The following DGLUCY variants were observed in gnomAD, a reference collection of about 807,000 sequenced individuals.
The protein encoded by DGLUCY is D-glutamate cyclase, mitochondrial.
Under a neutral mutation model 58.5 loss-of-function variants are expected in DGLUCY, and 58 were observed. The ratio of observed to expected loss-of-function variants is 0.99; its 90% CI spans 0.80 to 1.23. The LOEUF is 1.23. Ranked by LOEUF, DGLUCY falls within the 50% of genes most tolerant of loss-of-function variation. The probability of loss-of-function intolerance (pLI) is 0.00; values close to 1 mark genes in which losing one functional copy is unlikely to be tolerated. For missense variants in DGLUCY, 779 were observed against 784.7 expected (o/e 0.99, Z 0.09); for synonymous variants, 325 against 314.1 (o/e 1.03, Z -0.37).
In DGLUCY at chr14:91,218,366, T is replaced by C. The variant is rs142782759; in HGVS notation, c.1716+2810T>C. ...TCTACCTAGTCCTTCATAAATCAAT[T>C]AATAATGTACCACCCTTATAAAGAA... On this transcript the variant is annotated intron_variant, in intron 13 of 13. Coordinates refer to ENST00000256324, the MANE Select transcript of DGLUCY (RefSeq NM_001102368.3). 1.3e-4 allele frequency among the ~76,000 whole-genome samples: 19 copies of C among 151,766 alleles called. No homozygotes were observed. The East Asian group carries it at 3.5e-3, about 28-fold the overall frequency.
At chr14:91,132,484 T>C (rs1470985914) in intron 1 of DGLUCY, among the ~76,000 whole-genome samples, 1 of 151,394 alleles carries the variant, frequency 6.6e-6, no homozygotes, top group Non-Finnish European at 1.5e-5. Flanking sequence ...TTTTCTTTTT[T>C]TTTTTTTTTC....
At position 91,215,416 on chromosome 14, in the gene DGLUCY, T is replaced by G. The variant is rs748940859; in HGVS notation, c.1576T>G (p.Trp526Gly). 12 of 1,604,722 alleles carry G rather than the reference T, an allele frequency of 7.5e-6. No homozygotes were observed. In the South Asian group the frequency reaches 1.3e-4, roughly 18 times the overall value. The change falls in exon 13 of 14, where the codon TGG becomes GGG. Residue 526 changes from tryptophan to glycine, a missense_variant. Trp to Gly is a radical substitution (Grantham distance 184). Transcript: ENST00000256324. Reference protein sequence around the residue: ...DFAVIAGVSNWGGYALACALY... With the variant: ...DFAVIAGVSNGGGYALACALY... ...TTTTGCTGTTCTAGGTGTTTCTAAC[T>G]GGGGAGGCTATGCCCTGGCCTGCGC...
At chr14:91,222,491 G>A (rs1183711421) in intron 13 of DGLUCY, among the ~76,000 whole-genome samples, 3 of 152,326 alleles carry the variant, frequency 2.0e-5, no homozygotes, top group African/African-American at 7.2e-5. Flanking sequence ...GCCATTCTGA[G>A]TGGGTAGCTC....
chr14:91,206,188 A>G (rs1359567058), intron 12 of DGLUCY, among the ~76,000 whole-genome samples: 3 of 151,858 alleles, frequency 2.0e-5, no homozygotes, highest in Non-Finnish European at 4.4e-5. Context: ...TGGGAGAGGG[A>G]CATACCCAAT....
intron 13 of DGLUCY, among the ~76,000 whole-genome samples, chr14:91,221,781 G>A (rs1261918302): frequency 6.6e-6 from 1 of 152,068 alleles, no homozygotes; most frequent in East Asian, 1.9e-4. Flanking sequence ...ATACAATAAA[G>A]TGTGTACACC....
chr14:91,198,627 A>G (rs994593176), intron 10 of DGLUCY, among the ~76,000 whole-genome samples: 25 of 152,182 alleles, frequency 1.6e-4, no homozygotes, highest in African/African-American at 5.8e-4. Context: ...GATTACCGGT[A>G]TGAGCCACTG....
At chr14:91,067,770 G>A (rs2043847656) in intron 1 of DGLUCY, among the ~76,000 whole-genome samples, 2 of 151,850 alleles carry the variant, frequency 1.3e-5, no homozygotes, top group South Asian at 2.1e-4. Flanking sequence ...GGCTGGTCTC[G>A]AACTCCTGGG....
chr14:91,217,247 T>G (rs1346880603), intron 13 of DGLUCY, among the ~76,000 whole-genome samples: 1 of 152,166 alleles, frequency 6.6e-6, no homozygotes, highest in Admixed American at 6.5e-5. Flanking sequence ...TGACTTCACC[T>G]GTGAGCAGAC....
intron 1 of DGLUCY, among the ~76,000 whole-genome samples, chr14:91,098,577 A>G (rs2140078670): frequency 6.6e-6 from 1 of 152,384 alleles, no homozygotes; most frequent in South Asian, 2.1e-4. Flanking sequence ...GTATTTAACA[A>G]CTGGCTCACA....
At position 91,181,225 on chromosome 14, in the gene DGLUCY, T is replaced by A; in HGVS notation, c.770T>A (p.Val257Asp). The A allele has an allele frequency of 6.2e-7, 1 of 1,614,180 alleles. No individual in the cohort carries two copies. The highest frequency in any genetic ancestry group is 8.5e-7 in the Non-Finnish European group (1 of 1,180,040). ...LAFASIPGCTVMTDLKDAKAP... is the reference protein window; with the variant it reads ...LAFASIPGCTDMTDLKDAKAP... ...TTTGCCAGCATCCCAGGCTGCACAG[T>A]TATGACTGACCTGAAGGATGCAAAG... The change falls in exon 8 of 14, where the codon GTT becomes GAT. Residue 257 changes from valine (V) to aspartate (D), a missense_variant. Physicochemically the swap from Val to Asp is radical, Grantham distance 152 (BLOSUM62 -3). Coordinates refer to ENST00000256324, the MANE Select transcript of DGLUCY (RefSeq NM_001102368.3).
chr14:91,167,547 T>C (rs2048350767), intron 4 of DGLUCY, 169 bp downstream of exon 4: 1 of 850,484 alleles, frequency 1.2e-6, no homozygotes, highest in Non-Finnish European at 1.9e-6. Flanking sequence ...TCCCCACTGT[T>C]CTGACTCCTT....
intron 1 of DGLUCY, among the ~76,000 whole-genome samples, chr14:91,091,691 G>A (rs923073716): frequency 2.0e-5 from 3 of 152,172 alleles, no homozygotes; most frequent in African/African-American, 7.2e-5. Context: ...GCAGAAGATA[G>A]TTGGTATAGA....
intron 13 of DGLUCY, among the ~76,000 whole-genome samples, chr14:91,222,423 G>GA (rs995996701): frequency 8.5e-5 from 13 of 152,212 alleles, no homozygotes; most frequent in Non-Finnish European, 1.6e-4. Flanking sequence ...ATAAAGAGAG[G>GA]ATATGACCAG....
chr14:91,178,282 G>A lies in DGLUCY; in HGVS notation c.730+2226G>A, dbSNP rs562606169. Reference sequence around the variant, plus strand: ...CTAGGCTCAAGCAATCCTCCCACCTGAGCCTCTGGAGTAGCTGGACTACAG... The same window carrying A: ...CTAGGCTCAAGCAATCCTCCCACCTAAGCCTCTGGAGTAGCTGGACTACAG... On this transcript the variant is annotated intron_variant, in intron 7 of 13. Transcript: ENST00000256324. Among the ~76,000 whole-genome samples the A allele has an allele frequency of 5.3e-5, 8 of 151,816 alleles. No homozygotes were observed. The South Asian group carries it at 1.7e-3, about 32-fold the overall frequency.
chr14:91,200,006 G>A lies in DGLUCY; in HGVS notation c.1444+101G>A, dbSNP rs2050456572. The A allele has an allele frequency of 8.8e-6, 13 of 1,477,704 alleles. No homozygotes were observed. The Admixed American group carries it at 1.0e-4, about 12-fold the overall frequency. The allele number at this position is 1,477,704 out of a possible 1,614,324, so 91.5% of individuals were successfully genotyped here. ...GTCTTGCTCTGTCACCCAGGCTGGA[G>A]TGCAGTGGCACGATCTTGGCTCACT... On this transcript the variant is annotated intron_variant, in intron 11 of 13. Transcript: ENST00000256324.
chr14:91,219,058 T>C (rs966592648), intron 13 of DGLUCY, among the ~76,000 whole-genome samples: 2 of 151,846 alleles, frequency 1.3e-5, no homozygotes, highest in African/African-American at 4.8e-5. Flanking sequence ...CGGGCGCCTG[T>C]AGTCCCAGCT....
chr14:91,099,233 A>C (rs773021168), intron 1 of DGLUCY, among the ~76,000 whole-genome samples: 1 of 152,182 alleles, frequency 6.6e-6, no homozygotes, highest in African/African-American at 2.4e-5. Flanking sequence ...AAACACTTTT[A>C]AACAAATGCC....
chr14:91,160,069 CG>C (rs1185488761), intron 2 of DGLUCY, among the ~76,000 whole-genome samples, 196 bp from the exon 3 acceptor site: 2 of 152,052 alleles, frequency 1.3e-5, no homozygotes, highest in African/African-American at 4.8e-5. Context: ...GGGAAGTTTG[CG>C]TTAGGAATTT....
chr14:91,078,876 T>TTTA (rs2044075472), intron 1 of DGLUCY, among the ~76,000 whole-genome samples: 32 of 136,774 alleles, frequency 2.3e-4, no homozygotes, highest in East Asian at 6.3e-4. Context: ...TATTTTTAAT[T>TTTA]TTTATTTATT....
Sources: gnomAD v4.1 joint callset for allele counts (sites outside exome capture counted in the v4.1 genomes callset) on GRCh38, gnomAD v4.1.1 for gene constraint, MANE v1.5 for transcripts, NCBI Gene and HGNC (gene_info 2026-07-23, HGNC 2026-07-21) for gene names.